The following HFM1 variants were observed in gnomAD, a reference collection of about 807,000 sequenced individuals.
The protein encoded by HFM1 is helicase for meiosis 1.
Under a neutral mutation model 192.1 loss-of-function variants are expected in HFM1, and 169 were observed. The observed-to-expected ratio is 0.88, with a 90% CI of 0.78 to 1.00. The LOEUF (loss-of-function observed/expected upper bound fraction) is 1.00, where lower values mean the gene tolerates loss of function less well. HFM1 is among the 50% of genes least tolerant of loss of function. HFM1 has a pLI of 0.00. For synonymous variants in HFM1, 525 were observed against 537.8 expected, an observed-to-expected ratio of 0.98 and a Z score of 0.33; for missense variants, 1,661 against 1,668.0, an observed-to-expected ratio of 1.00 and a Z score of 0.07.
chr1:91,357,365 A>T (rs1042013888), intron 13 of HFM1, among the ~76,000 whole-genome samples: 7 of 152,228 alleles, frequency 4.6e-5, no homozygotes, highest in African/African-American at 1.7e-4. Flanking sequence ...GACCATCTCA[A>T]TTGGTGCAGA....
intron 25 of HFM1, among the ~76,000 whole-genome samples, chr1:91,318,565 T>A (rs977419060): frequency 1.3e-5 from 2 of 152,088 alleles, no homozygotes; most frequent in South Asian, 4.1e-4. Context: ...AAGGTCCCTA[T>A]AGACAAAATA....
At chr1:91,389,091 C>G (rs1662596260) in intron 4 of HFM1, among the ~76,000 whole-genome samples, 1 of 149,216 alleles carries the variant, frequency 6.7e-6, no homozygotes, top group African/African-American at 2.5e-5. Flanking sequence ...CCTCCAGATT[C>G]ATATGTTGAG....
rs546322759 is a variant in HFM1 at position 91,333,568 on chromosome 1, C to T, written c.2336-8802G>A. Among the ~76,000 whole-genome samples the T allele has an allele frequency of 1.6e-3, 247 of 151,600 alleles. 1 individual carries two copies. The highest frequency in any genetic ancestry group is 5.5e-3 in the African/African-American group (229 of 41,362). ...AGTATTTGATAGCATAACAGGGTGA[C>T]GATAGTCAATAATAATTTGACTGTA... On this transcript the variant is annotated intron_variant, in intron 20 of 38. Coordinates refer to ENST00000370425, the MANE Select transcript of HFM1 (RefSeq NM_001017975.6).
At chr1:91,341,816 T>C (rs557914889) in intron 20 of HFM1, among the ~76,000 whole-genome samples, 4 of 151,256 alleles carry the variant, frequency 2.6e-5, no homozygotes, top group African/African-American at 9.7e-5. Flanking sequence ...AACACCTTTA[T>C]ACACACAAAC....
intron 13 of HFM1, among the ~76,000 whole-genome samples, chr1:91,373,634 A>G (rs1660531106): frequency 6.6e-6 from 1 of 151,624 alleles, no homozygotes; most frequent in East Asian, 1.9e-4. Context: ...CTAGTTGCTT[A>G]AAAGTGTATG....
chr1:91,335,316 T>C (rs138097332), intron 20 of HFM1, among the ~76,000 whole-genome samples: 44 of 152,266 alleles, frequency 2.9e-4, no homozygotes, highest in African/African-American at 9.6e-4. Context: ...TAGTTAACCA[T>C]TGCAGTATAT....
intron 30 of HFM1, among the ~76,000 whole-genome samples, chr1:91,296,153 T>C (rs1405880551): frequency 6.6e-6 from 1 of 152,178 alleles, no homozygotes; most frequent in Non-Finnish European, 1.5e-5. Flanking sequence ...TCTCCTGACC[T>C]CATGATCCGC....
At position 91,351,542 on chromosome 1, in the gene HFM1, A is replaced by G. The variant is rs200582263; in HGVS notation, c.2072+7T>C. On this transcript the variant is annotated splice_region_variant and intron_variant, in intron 17 of 38. Coordinates refer to ENST00000370425, the MANE Select transcript of HFM1 (RefSeq NM_001017975.6). ...TAGTATCTTTTTGGAACTTTTTTTTATACTACCTGCTTTCTACAGTGTCTC... is the reference window on the plus strand; with the variant it reads ...TAGTATCTTTTTGGAACTTTTTTTTGTACTACCTGCTTTCTACAGTGTCTC... 3.4e-6 allele frequency: 5 copies of G among 1,459,412 alleles called. No individual in the cohort carries two copies. The highest frequency in any genetic ancestry group is 2.0e-5 in the Admixed American group (1 of 50,926). The allele number at this position is 1,459,412 out of a possible 1,614,324, so 90.4% of individuals were successfully genotyped here.
At chr1:91,363,239 A>C (rs888483296) in intron 13 of HFM1, among the ~76,000 whole-genome samples, 3 of 152,158 alleles carry the variant, frequency 2.0e-5, no homozygotes, top group African/African-American at 7.2e-5. Context: ...ATGAGAGTAA[A>C]TAGACAACCC....
At position 91,375,573 on chromosome 1, in the gene HFM1, A is replaced by G. The variant is rs974125890; in HGVS notation, c.1550T>C (p.Ile517Thr). Residue 517 changes from isoleucine (I) to threonine (T), a missense_variant, in exon 12 of 39, where the codon ATT becomes ACT. Ile to Thr is a moderately conservative substitution (Grantham distance 89, BLOSUM62 -1). Coordinates refer to ENST00000370425, the MANE Select transcript of HFM1 (RefSeq NM_001017975.6). The stretch of plus-strand genomic sequence containing the variant: ...AGAGTACATTTGTATAACACTGGCA[A>G]TTTTGTAGTTGAGGGTTAAATCAAA... ...FKFDLTLNYK[I>T]ASVIQMYSDQ... The G allele has an allele frequency of 3.1e-6, 5 of 1,613,384 alleles. No individual in the cohort carries two copies. Among genetic ancestry groups the G allele is most frequent in the Non-Finnish European group, 8.5e-7 (1 of 1,179,600 alleles).
chr1:91,294,086 T>G (rs986327098), intron 30 of HFM1, among the ~76,000 whole-genome samples: 6 of 149,644 alleles, frequency 4.0e-5, no homozygotes, highest in African/African-American at 9.8e-5. Flanking sequence ...CATTGGGAGA[T>G]ATACCTAATG....
intron 30 of HFM1, among the ~76,000 whole-genome samples, chr1:91,294,106 G>A (rs1169020134): frequency 1.3e-5 from 2 of 150,862 alleles, no homozygotes; most frequent in African/African-American, 2.4e-5. Flanking sequence ...GCTAGATGAC[G>A]AGTTAGTGGG....
intron 30 of HFM1, among the ~76,000 whole-genome samples, chr1:91,310,045 A>T (rs950467073): frequency 1.3e-5 from 2 of 152,008 alleles, no homozygotes; most frequent in African/African-American, 4.8e-5. Context: ...AAGCTGTCAA[A>T]TCTACTAGAA....
chr1:91,263,158 A>G (rs1226844710), intron 36 of HFM1, among the ~76,000 whole-genome samples: 1 of 152,192 alleles, frequency 6.6e-6, no homozygotes, highest in Admixed American at 6.5e-5. Context: ...AAATATATAA[A>G]TAATTATAAA....
intron 30 of HFM1, among the ~76,000 whole-genome samples, chr1:91,292,518 G>C (rs1668889945): frequency 6.6e-6 from 1 of 151,356 alleles, no homozygotes; most frequent in Non-Finnish European, 1.5e-5. Flanking sequence ...CCTCTTCAAG[G>C]AGAACTACAA....
chr1:91,345,317 C>G (rs1244645295), intron 19 of HFM1, among the ~76,000 whole-genome samples: 1 of 151,962 alleles, frequency 6.6e-6, no homozygotes, highest in Non-Finnish European at 1.5e-5. Context: ...GATGTGGGAA[C>G]AAGCTTGGTG....
intron 34 of HFM1, among the ~76,000 whole-genome samples, chr1:91,270,973 T>C (rs1666237258): frequency 2.0e-5 from 3 of 152,114 alleles, no homozygotes; most frequent in Admixed American, 2.0e-4. Context: ...TAGAATTCTG[T>C]TTTTTGTCTG....
At chr1:91,356,040 G>A (rs1657684371) in intron 13 of HFM1, among the ~76,000 whole-genome samples, 1 of 151,840 alleles carries the variant, frequency 6.6e-6, no homozygotes. Context: ...TATCATTTCT[G>A]ACCACAACAA....
At chr1:91,329,020 G>A (rs1653375805) in intron 20 of HFM1, 1 of 1,611,970 alleles carries the variant, frequency 6.2e-7, no homozygotes, top group Admixed American at 1.7e-5. Context: ...GCTGGATTCT[G>A]CAGGAGCTAG....
Sources: allele counts gnomAD v4.1 joint callset (sites outside exome capture counted in the v4.1 genomes callset), GRCh38; gene constraint gnomAD v4.1.1; transcripts MANE v1.5; gene names NCBI Gene and HGNC (gene_info 2026-07-23, HGNC 2026-07-21).